Variants in LSAMP observed in about 807,000 individuals in gnomAD.
LSAMP encodes the protein limbic system-associated membrane protein.
In LSAMP, 7 loss-of-function variants were observed where a neutral mutation model predicts 38.6. That is an observed-to-expected ratio of 0.18 (90% CI 0.10 to 0.34). LSAMP has a LOEUF of 0.34. Among genes scored for constraint, LSAMP ranks in the 10% least tolerant of loss-of-function variants. The pLI is 1.00. For missense variants in LSAMP, 313 were observed against 420.0 expected, an observed-to-expected ratio of 0.75 and a Z score of 2.23; for synonymous variants, 154 against 166.8, an observed-to-expected ratio of 0.92 and a Z score of 0.59.
chr3:116,141,989 A>G (rs1709380622), intron 1 of LSAMP, among the ~76,000 whole-genome samples: 1 of 151,950 alleles, frequency 6.6e-6, no homozygotes, highest in African/African-American at 2.4e-5. Context: ...TGAAAAGGGG[A>G]TCTGGGCAGT....
intron 1 of LSAMP, among the ~76,000 whole-genome samples, chr3:116,382,206 G>A (rs995191923): frequency 6.6e-6 from 1 of 151,948 alleles, no homozygotes; most frequent in Non-Finnish European, 1.5e-5. Flanking sequence ...ACATGCACAC[G>A]TATGTTTTTG....
chr3:116,417,636 G>C (rs2049069098), intron 1 of LSAMP, among the ~76,000 whole-genome samples: 1 of 152,126 alleles, frequency 6.6e-6, no homozygotes, highest in Non-Finnish European at 1.5e-5. Flanking sequence ...TACGACAAGG[G>C]GGATGAAAAA....
chr3:116,298,102 C>T lies in LSAMP; in HGVS notation c.155+146775G>A, dbSNP rs569655074. 1.4e-3 allele frequency among the ~76,000 whole-genome samples: 210 copies of T among 152,292 alleles called. 1 individual carries two copies. Among genetic ancestry groups the T allele is most frequent in the Admixed American group, 5.5e-3 (84 of 15,302 alleles). ...TTCTCTTTATCATTCATCTAGGTGT[C>T]TGTCTATCTATCTATAAATCCATCT... is the stretch of plus-strand genomic sequence containing the variant. On this transcript the variant is annotated intron_variant, in intron 1 of 6. Transcript: ENST00000490035.
chr3:116,296,191 C>G (rs922136379), intron 1 of LSAMP, among the ~76,000 whole-genome samples: 2 of 152,160 alleles, frequency 1.3e-5, no homozygotes, highest in Admixed American at 6.5e-5. Flanking sequence ...AGAAGACTTT[C>G]TTCTTAGCTG....
intron 3 of LSAMP, among the ~76,000 whole-genome samples, chr3:115,940,306 G>A (rs1182722008): frequency 4.5e-4 from 4 of 8,838 alleles, no homozygotes; most frequent in East Asian, 7.1e-3. Context: ...ATTTGGCCCC[G>A]CCCACGTCCT....
chr3:115,928,846 A>G (rs1277598424), intron 3 of LSAMP, among the ~76,000 whole-genome samples: 2 of 152,114 alleles, frequency 1.3e-5, no homozygotes, highest in Non-Finnish European at 2.9e-5. Context: ...TTCTGAGGGA[A>G]TGTTAAGGTA....
intron 1 of LSAMP, among the ~76,000 whole-genome samples, chr3:116,204,551 T>C (rs573872695): frequency 1.3e-5 from 2 of 151,006 alleles, no homozygotes; most frequent in Non-Finnish European, 3.0e-5. Context: ...CATTTAAGTC[T>C]TTAATCCATC....
intron 3 of LSAMP, among the ~76,000 whole-genome samples, chr3:115,900,326 C>T (rs1375131957): frequency 3.3e-5 from 5 of 151,924 alleles, no homozygotes; most frequent in African/African-American, 1.2e-4. Context: ...AGCAGCCTGG[C>T]CAACATGGTG....
intron 3 of LSAMP, among the ~76,000 whole-genome samples, chr3:115,922,742 T>G (rs1020455194): frequency 6.6e-6 from 1 of 152,170 alleles, no homozygotes; most frequent in African/African-American, 2.4e-5. Context: ...TAAGGGTGCC[T>G]CTGAAATCTT....
intron 3 of LSAMP, among the ~76,000 whole-genome samples, chr3:115,922,318 G>C (rs1171497005): frequency 6.6e-6 from 1 of 151,818 alleles, no homozygotes; most frequent in African/African-American, 2.4e-5. Flanking sequence ...ACCTGTCTTT[G>C]AGTTCATGGA....
At chr3:116,061,989 A>T (rs1559727608) in intron 2 of LSAMP, among the ~76,000 whole-genome samples, 1 of 152,168 alleles carries the variant, frequency 6.6e-6, no homozygotes, top group Admixed American at 6.5e-5. Flanking sequence ...TAATTACAAC[A>T]TTTTTTTCCT....
chr3:116,043,663 T>C (rs529864828), intron 2 of LSAMP, among the ~76,000 whole-genome samples: 1 of 152,100 alleles, frequency 6.6e-6, no homozygotes, highest in East Asian at 1.9e-4. Flanking sequence ...AAAAATATTC[T>C]TGCCGGGCGC....
At chr3:116,034,082 A>T (rs968777983) in intron 2 of LSAMP, among the ~76,000 whole-genome samples, 2 of 152,076 alleles carry the variant, frequency 1.3e-5, no homozygotes, top group Non-Finnish European at 2.9e-5. Context: ...TCTATGTCCC[A>T]TTACAAGCAC....
intron 1 of LSAMP, among the ~76,000 whole-genome samples, chr3:116,393,603 C>G (rs1393842155): frequency 6.6e-6 from 1 of 152,156 alleles, no homozygotes; most frequent in Admixed American, 6.5e-5. Flanking sequence ...CAGGCCCGAA[C>G]AAAAACTCAG....
chr3:116,199,215 A>G (rs1366042715), intron 1 of LSAMP, among the ~76,000 whole-genome samples: 1 of 151,950 alleles, frequency 6.6e-6, no homozygotes, highest in Non-Finnish European at 1.5e-5. Context: ...GCTGGGCGGG[A>G]AGAAGACTGA....
chr3:116,396,040 AT>A (rs1160389200), intron 1 of LSAMP, among the ~76,000 whole-genome samples: 1 of 152,248 alleles, frequency 6.6e-6, no homozygotes, highest in African/African-American at 2.4e-5. Context: ...ATGGAATTAT[AT>A]TTTTTTGTTG....
At chr3:116,047,237 T>C (rs1576331170) in intron 2 of LSAMP, among the ~76,000 whole-genome samples, 1 of 152,032 alleles carries the variant, frequency 6.6e-6, no homozygotes, top group South Asian at 2.1e-4. Context: ...GCATCACAAA[T>C]AAGCTGAAGA....
At chr3:116,180,247 T>C (rs1271381900) in intron 1 of LSAMP, among the ~76,000 whole-genome samples, 1 of 152,156 alleles carries the variant, frequency 6.6e-6, no homozygotes, top group African/African-American at 2.4e-5. Flanking sequence ...GCAATGGACA[T>C]TATTCAAATA....
At chr3:116,127,695 A>ATTTTTTTTTTTT in intron 1 of LSAMP, among the ~76,000 whole-genome samples, 1 of 96,654 alleles carries the variant, frequency 1.0e-5, no homozygotes, top group Non-Finnish European at 2.2e-5. Flanking sequence ...GTGTTTGTTC[A>ATTTTTTTTTTTT]TTTTTTTTTT....
Sources: gnomAD v4.1 joint callset for allele counts (sites outside exome capture counted in the v4.1 genomes callset) on GRCh38, gnomAD v4.1.1 for gene constraint, MANE v1.5 for transcripts, NCBI Gene and HGNC (gene_info 2026-07-23, HGNC 2026-07-21) for gene names.